PCLO: variants seen among roughly 807,000 people sequenced by gnomAD.
The protein encoded by PCLO is piccolo presynaptic cytomatrix protein, also known as protein piccolo.
In PCLO, 82 loss-of-function variants were observed where a neutral mutation model predicts 427.5. The ratio of observed to expected loss-of-function variants is 0.19; its 90% CI spans 0.16 to 0.23. The LOEUF (loss-of-function observed/expected upper bound fraction) is 0.23. Among genes scored for constraint, PCLO ranks in the 10% least tolerant of loss-of-function variants. The probability of loss-of-function intolerance (pLI) is 1.00; values close to 1 mark genes in which losing one functional copy is unlikely to be tolerated. For synonymous variants in PCLO, 2,357 were observed against 2,155.4 expected (o/e 1.09, Z -2.59); for missense variants, 6,239 against 6,115.9 (o/e 1.02, Z -0.67).
intron 22 of PCLO, among the ~76,000 whole-genome samples, chr7:82,773,251 A>G (rs1444940530): frequency 6.6e-6 from 1 of 152,192 alleles, no homozygotes; most frequent in Non-Finnish European, 1.5e-5. Context: ...ATAATGTAAG[A>G]AAAACTAGGA....
intron 1 of PCLO, among the ~76,000 whole-genome samples, chr7:83,157,446 T>C (rs1056746499): frequency 1.3e-5 from 2 of 152,084 alleles, no homozygotes; most frequent in African/African-American, 2.4e-5. Context: ...TAATTTATTA[T>C]TGACATTGAG....
Position 83,155,728 on chromosome 7 carries a change from G to A in PCLO, c.913C>T (p.Pro305Ser). 6.2e-7 allele frequency: 1 copy of A among 1,614,010 alleles called. No homozygotes were observed. Among genetic ancestry groups the A allele is most frequent in the Non-Finnish European group, 8.5e-7 (1 of 1,179,884 alleles). The change falls in exon 2 of 25, where the codon CCT (proline) becomes TCT (serine). Residue 305 changes from proline to serine, a missense_variant. Around this residue, in one of 5 missense-constraint regions of PCLO, gnomAD observed 4,677 missense variants for 4,468.4 expected, o/e 1.05. Transcript: ENST00000333891. ...KPSLPSPSKP[P>S]IQQPTPGKPP... ...TTTCCAGGAGTTGGTTGCTGAATAG[G>A]TGGTTTGGATGGGCTTGGCAGTGAG... is the stretch of plus-strand genomic sequence containing the variant.
At chr7:82,872,438 T>C (rs898873635) in intron 10 of PCLO, among the ~76,000 whole-genome samples, 1 of 151,306 alleles carries the variant, frequency 6.6e-6, no homozygotes, top group Non-Finnish European at 1.5e-5. Context: ...TAAAAGGAAA[T>C]GTAAAGAAAG....
chr7:83,044,109 A>C (rs1789044454), intron 3 of PCLO, among the ~76,000 whole-genome samples: 1 of 150,024 alleles, frequency 6.7e-6, no homozygotes, highest in African/African-American at 2.5e-5. Flanking sequence ...GTGAAGGAGA[A>C]GCAGGGCACA....
At chr7:83,093,078 T>C (rs1790422485) in intron 3 of PCLO, among the ~76,000 whole-genome samples, 1 of 151,884 alleles carries the variant, frequency 6.6e-6, no homozygotes, top group Non-Finnish European at 1.5e-5. Flanking sequence ...GAATATTCAC[T>C]CCCTAGAAAA....
Position 82,845,468 on chromosome 7 carries a change from G to T in PCLO, c.13849C>A (p.Pro4617Thr). ...GCCAACTGCTTAGGATCAACCCCTG[G>T]GGATTTCGCCTTATCCACTACAACA... Reference protein sequence around the residue: ...PPKAVDKAKSPGVDPKQLAAE... With the variant: ...PPKAVDKAKSTGVDPKQLAAE... Residue 4617 changes from proline to threonine, a missense_variant, in exon 13 of 25, where the codon CCA becomes ACA. Physicochemically the swap from Pro to Thr is conservative, Grantham distance 38. Around this residue, in one of 5 missense-constraint regions of PCLO, gnomAD observed 877 missense variants for 925.5 expected, o/e 0.95. Transcript: ENST00000333891. 1 of 1,611,834 alleles carries T rather than the reference G, an allele frequency of 6.2e-7. No homozygotes were observed. The highest frequency in any genetic ancestry group is 1.1e-5 in the South Asian group (1 of 90,864).
chr7:83,155,844 T>C lies in PCLO; in HGVS notation c.797A>G (p.Gln266Arg). 3 of 1,613,950 alleles carry C rather than the reference T, an allele frequency of 1.9e-6. No homozygotes were observed. Among genetic ancestry groups the C allele is most frequent in the Non-Finnish European group, 2.5e-6 (3 of 1,179,878 alleles). Residue 266 changes from glutamine (Q) to arginine (R), a missense_variant, in exon 2 of 25, where the codon CAG becomes CGG. Around this residue, in one of 5 missense-constraint regions of PCLO, gnomAD observed 4,677 missense variants for 4,468.4 expected, o/e 1.05. Transcript: ENST00000333891. The stretch of plus-strand genomic sequence containing the variant: ...AAGTGGCAATTTTGCATGGTCTGTC[T>C]GAGGAGTCTGGGTAGGACCCTGAAT... ...KPIQGPTQTPQTDHAKLPLQR... is the reference protein window; with the variant it reads ...KPIQGPTQTPRTDHAKLPLQR...
In PCLO at chr7:82,834,952, TTTTG is replaced by T. The variant is rs879762811; in HGVS notation, c.14249+711_14249+714del. Among the ~76,000 whole-genome samples, 183 of 126,842 alleles carry T rather than the reference TTTTG, an allele frequency of 1.4e-3. 1 individual carries two copies. Among genetic ancestry groups the T allele is most frequent in the Middle Eastern group, 4.1e-3 (1 of 246 alleles). 83.2% of individuals were successfully genotyped at this position (126,842 alleles called of 152,430 possible). ...AAGTTCAAACACCTATTATCTTTTT[TTTTG>T]TTTGTTTGTTTGTTTGTTTGTTTGT... On this transcript the variant is annotated intron_variant, in intron 16 of 24. Coordinates refer to ENST00000333891, the MANE Select transcript of PCLO (RefSeq NM_033026.6).
At chr7:82,794,581 C>T (rs1791186813) in intron 22 of PCLO, among the ~76,000 whole-genome samples, 1 of 149,166 alleles carries the variant, frequency 6.7e-6, no homozygotes, top group Non-Finnish European at 1.5e-5. Flanking sequence ...AAGCGATGCC[C>T]CCTATCTTAG....
intron 10 of PCLO, among the ~76,000 whole-genome samples, chr7:82,866,147 T>A (rs1793087263): frequency 6.6e-6 from 1 of 152,122 alleles, no homozygotes; most frequent in Admixed American, 6.6e-5. Context: ...TCTCTGCCTA[T>A]AATGCAAGAC....
intron 3 of PCLO, among the ~76,000 whole-genome samples, chr7:82,990,684 T>C (rs1796356722): frequency 6.6e-6 from 1 of 152,184 alleles, no homozygotes; most frequent in South Asian, 2.1e-4. Flanking sequence ...TGTATAATAA[T>C]GTATGAGCTG....
chr7:82,937,709 GTC>G (rs925891333), intron 6 of PCLO, among the ~76,000 whole-genome samples: 17 of 151,664 alleles, frequency 1.1e-4, no homozygotes, highest in African/African-American at 3.4e-4. Flanking sequence ...TTCTATTTCA[GTC>G]TCTCTGTTAT....
chr7:82,782,935 AT>A (rs1357750197), intron 22 of PCLO, among the ~76,000 whole-genome samples: 6 of 152,078 alleles, frequency 3.9e-5, no homozygotes, highest in Admixed American at 2.0e-4. Flanking sequence ...ACCATACTCA[AT>A]TTTCTTTGTC....
chr7:82,885,441 A>T (rs1793605017), intron 9 of PCLO, among the ~76,000 whole-genome samples: 1 of 152,166 alleles, frequency 6.6e-6, no homozygotes, highest in African/African-American at 2.4e-5. Context: ...ATGATCAGGG[A>T]ACCCAGTTAA....
Position 82,965,890 on chromosome 7 carries a change from A to G in PCLO, c.3898T>C (p.Ser1300Pro), listed in dbSNP as rs1174934975. ...TTAGGTAAACTCTGAGGTGTGCCAG[A>G]TGGTAAACCTTCCATCTTGGTCTGT... Reference protein sequence around the residue: ...QPQTKMEGLPSGTPQSLPKED... With the variant: ...QPQTKMEGLPPGTPQSLPKED... Residue 1300 changes from serine (S) to proline (P), a missense_variant, in exon 4 of 25, where the codon TCT becomes CCT. Coordinates refer to ENST00000333891, the MANE Select transcript of PCLO (RefSeq NM_033026.6). 3 of 1,613,776 alleles carry G rather than the reference A, an allele frequency of 1.9e-6. No individual in the cohort carries two copies. The African/African-American group carries it at 4.0e-5, about 22-fold the overall frequency.
At chr7:83,053,208 G>A (rs1007685027) in intron 3 of PCLO, among the ~76,000 whole-genome samples, 7 of 151,536 alleles carry the variant, frequency 4.6e-5, no homozygotes, top group Admixed American at 6.6e-5. Context: ...TTTTCATCTA[G>A]ACAATTCTTA....
chr7:82,910,042 A>C (rs1021653801), intron 7 of PCLO, among the ~76,000 whole-genome samples: 1 of 152,060 alleles, frequency 6.6e-6, no homozygotes, highest in Non-Finnish European at 1.5e-5. Context: ...CTTTTAATAA[A>C]TTGTTTTAGT....
At chr7:82,807,387 G>T (rs1238576309) in intron 20 of PCLO, among the ~76,000 whole-genome samples, 1 of 152,120 alleles carries the variant, frequency 6.6e-6, no homozygotes, top group Admixed American at 6.6e-5. Context: ...ACTAATGGGT[G>T]AACAGTTGAT....
intron 3 of PCLO, among the ~76,000 whole-genome samples, chr7:83,066,504 T>C (rs1486835726): frequency 2.0e-5 from 3 of 152,158 alleles, no homozygotes; most frequent in African/African-American, 7.2e-5. Context: ...GTTCAAAAGA[T>C]ACTAGGACTT....
Sources: gnomAD v4.1 joint callset for allele counts (sites outside exome capture counted in the v4.1 genomes callset) on GRCh38, gnomAD v4.1.1 for gene constraint, gnomAD v4.1.1 regional missense constraint, MANE v1.5 for transcripts, NCBI Gene and HGNC (gene_info 2026-07-23, HGNC 2026-07-21) for gene names.